The following SLC6A11 variants were observed in gnomAD, a reference collection of about 807,000 sequenced individuals.
The protein encoded by SLC6A11 is solute carrier family 6 member 11, also known as sodium- and chloride-dependent GABA transporter 3.
In SLC6A11, 25 loss-of-function variants were observed where a neutral mutation model predicts 74.8. The ratio of observed to expected loss-of-function variants is 0.33; its 90% CI spans 0.24 to 0.47. The LOEUF (loss-of-function observed/expected upper bound fraction) is 0.47, where lower values mean the gene tolerates loss of function less well. Ranked by LOEUF, SLC6A11 falls within the 20% of genes least tolerant of loss-of-function variation. SLC6A11 has a pLI of 1.00. For missense variants in SLC6A11, 574 were observed against 837.0 expected (o/e 0.69, Z 3.88); for synonymous variants, 330 against 330.2 (o/e 1.00, Z 0.01).
At chr3:10,873,589 C>CCTACA (rs1694863857) in intron 5 of SLC6A11, among the ~76,000 whole-genome samples, 2 of 143,234 alleles carry the variant, frequency 1.4e-5, no homozygotes, top group African/African-American at 5.4e-5. Context: ...CCTACGCTAT[C>CCTACA]CTATCCTATC....
chr3:10,857,031 T>C (rs1694646177), intron 5 of SLC6A11, among the ~76,000 whole-genome samples: 1 of 152,232 alleles, frequency 6.6e-6, no homozygotes, highest in Non-Finnish European at 1.5e-5. Flanking sequence ...TACAAATCCA[T>C]GCTCCAACTT....
intron 1 of SLC6A11, among the ~76,000 whole-genome samples, chr3:10,819,245 A>G (rs956456303): frequency 6.6e-6 from 1 of 152,220 alleles, no homozygotes; most frequent in African/African-American, 2.4e-5. Context: ...ATTAAAAACT[A>G]AAGCTCCATT....
rs1039336459 is a variant in SLC6A11, at chr3:10,938,507, G to A, written c.*105G>A. On this transcript the variant is annotated 3_prime_UTR_variant, in exon 14 of 14. Coordinates refer to ENST00000254488, the MANE Select transcript of SLC6A11 (RefSeq NM_014229.3). ...CTAATGGTAGGGGCTTGCTTGTTTTGCACAGGATTAATTAACAAGTTAATT... is the reference window on the plus strand; with the variant it reads ...CTAATGGTAGGGGCTTGCTTGTTTTACACAGGATTAATTAACAAGTTAATT... 106 of 1,242,946 alleles carry A rather than the reference G, an allele frequency of 8.5e-5. No homozygotes were observed. Among genetic ancestry groups the A allele is most frequent in the Non-Finnish European group, 1.1e-4 (97 of 902,596 alleles). The allele number at this position is 1,242,946 out of a possible 1,614,324, so 77.0% of individuals were successfully genotyped here. A position where few individuals can be genotyped will look rare whatever the true frequency, so the allele number is the denominator to read the frequency against.
intron 5 of SLC6A11, among the ~76,000 whole-genome samples, chr3:10,845,143 A>G (rs1694487537): frequency 1.3e-5 from 2 of 152,212 alleles, no homozygotes; most frequent in African/African-American, 4.8e-5. Context: ...TTCGTTGACA[A>G]CATTTAGAAA....
intron 5 of SLC6A11, among the ~76,000 whole-genome samples, chr3:10,854,392 A>AAAATAAAT (rs35119727): frequency 1.1e-4 from 17 of 152,052 alleles, no homozygotes; most frequent in South Asian, 8.3e-4. Context: ...TCCATCTCAA[A>AAAATAAAT]AAATAAATAA....
At chr3:10,919,389 C>G (rs73121720) in intron 8 of SLC6A11, among the ~76,000 whole-genome samples, 10,967 of 152,212 alleles carry the variant, frequency 0.072, 427 homozygotes, top group South Asian at 0.11. Flanking sequence ...TTTTTTAAGA[C>G]CAGCACAGGG....
intron 5 of SLC6A11, among the ~76,000 whole-genome samples, chr3:10,864,723 C>T (rs148345948): frequency 6.6e-6 from 1 of 152,318 alleles, no homozygotes; most frequent in Non-Finnish European, 1.5e-5. Context: ...CCATCAGCCG[C>T]CACAGTTAGG....
chr3:10,874,910 C>G, intron 5 of SLC6A11, 51 bp from the exon 6 acceptor site: 1 of 1,537,376 alleles, frequency 6.5e-7, no homozygotes. Context: ...AGTGAAGTAA[C>G]CCCATTGCTC....
At chr3:10,903,228 G>A (rs954376944) in intron 6 of SLC6A11, among the ~76,000 whole-genome samples, 3 of 152,204 alleles carry the variant, frequency 2.0e-5, no homozygotes, top group Admixed American at 2.0e-4. Flanking sequence ...ACAAGCAGAG[G>A]CATGCCCTTC....
intron 6 of SLC6A11, among the ~76,000 whole-genome samples, chr3:10,901,326 G>A (rs1205637540): frequency 6.6e-6 from 1 of 152,230 alleles, no homozygotes; most frequent in Non-Finnish European, 1.5e-5. Context: ...CCAGCCTCCT[G>A]GGCAAAAGCC....
Position 10,918,499 on chromosome 3 carries a change from AG to A in SLC6A11, c.1120+48del, listed in dbSNP as rs1695489785. On this transcript the variant is annotated intron_variant, in intron 8 of 13. Coordinates refer to ENST00000254488, the MANE Select transcript of SLC6A11 (RefSeq NM_014229.3). This position sits in a 1 kb window ranked among gnomAD's most constrained non-coding sequence, Gnocchi z 4.5. ...GATGGAAAAGGCGGCAAGGGAGGCC[AG>A]GAGTGATGGTCATCATGGAAATGCG... is the stretch of plus-strand genomic sequence containing the variant. 1 of 1,574,408 alleles carries A rather than the reference AG, an allele frequency of 6.4e-7. No homozygotes were observed. Among genetic ancestry groups the A allele is most frequent in the Non-Finnish European group, 8.6e-7 (1 of 1,164,296 alleles).
Position 10,915,827 on chromosome 3 carries a change from A to G in SLC6A11, c.996-2502A>G, listed in dbSNP as rs1695446901. ...TGTGCAGGAAGATGGGAATTTTTTA[A>G]CAAGGGACAATTTGTTTTTCAACAC... On this transcript the variant is annotated intron_variant, in intron 7 of 13. Transcript: ENST00000254488. The surrounding 1 kb of genome is among the most constrained non-coding windows in gnomAD (Gnocchi z 4.3). 6.6e-6 allele frequency among the ~76,000 whole-genome samples: 1 copy of G among 152,214 alleles called. No homozygotes were observed. The highest frequency in any genetic ancestry group is 2.4e-5 in the African/African-American group (1 of 41,462).
intron 6 of SLC6A11, among the ~76,000 whole-genome samples, chr3:10,878,404 CTTTTT>C (rs34982364): frequency 7.8e-6 from 1 of 128,162 alleles, no homozygotes; most frequent in African/African-American, 3.1e-5. Flanking sequence ...TCCACTCATC[CTTTTT>C]TTTTTTTTTT....
At chr3:10,830,373 G>A (rs1389559097) in intron 4 of SLC6A11, among the ~76,000 whole-genome samples, 1 of 152,212 alleles carries the variant, frequency 6.6e-6, no homozygotes, top group Non-Finnish European at 1.5e-5. Context: ...AGACTTTACT[G>A]AAGAGCAGGC....
chr3:10,933,445 G>A (rs1695717476), intron 11 of SLC6A11, among the ~76,000 whole-genome samples, 192 bp downstream of exon 11: 1 of 152,196 alleles, frequency 6.6e-6, no homozygotes, highest in African/African-American at 2.4e-5. Flanking sequence ...TGCAGCACAG[G>A]AAGGGGTTCA....
Position 10,905,798 on chromosome 3 carries a change from C to G in SLC6A11, c.892-6292C>G, listed in dbSNP as rs191237967. The stretch of plus-strand genomic sequence containing the variant: ...TCTTCATGGGATGTTTTCAAGAAAT[C>G]TAATCCTGTACATTCTCAGGCTCTG... On this transcript the variant is annotated intron_variant, in intron 6 of 13. Coordinates refer to ENST00000254488, the MANE Select transcript of SLC6A11 (RefSeq NM_014229.3). Among the ~76,000 whole-genome samples the G allele has an allele frequency of 1.4e-4, 21 of 152,284 alleles. No individual in the cohort carries two copies. The East Asian group carries it at 3.5e-3, about 25-fold the overall frequency.
intron 12 of SLC6A11, 137 bp from the exon 13 acceptor site, chr3:10,934,892 A>C (rs558851878): frequency 1.1e-4 from 82 of 744,470 alleles, no homozygotes; most frequent in African/African-American, 1.0e-3. Flanking sequence ...GCAGGGCCTC[A>C]CTTTTCATGG....
intron 5 of SLC6A11, among the ~76,000 whole-genome samples, chr3:10,857,329 T>C (rs566253321): frequency 1.2e-4 from 18 of 152,248 alleles, no homozygotes; most frequent in African/African-American, 3.6e-4. Flanking sequence ...AGCCATAGGC[T>C]GGGCCAGACT....
rs200632258 is a variant in SLC6A11 at position 10,935,019 on chromosome 3, C to G, written c.1576-10C>G. ...CCATCCCCCAGGCACCTGCCCCCAT[C>G]TCTCTGCAGGGGATCTTCATCTTCT... On this transcript the variant is annotated splice_polypyrimidine_tract_variant and intron_variant, in intron 12 of 13. Transcript: ENST00000254488. 43 of 1,611,714 alleles carry G rather than the reference C, an allele frequency of 2.7e-5. No homozygotes were observed. In the East Asian group the frequency reaches 5.1e-4, roughly 19 times the overall value.
Sources: gnomAD v4.1 joint callset for allele counts (sites outside exome capture counted in the v4.1 genomes callset) on GRCh38, gnomAD v4.1.1 for gene constraint, Gnocchi (gnomAD v3.1) non-coding constraint, MANE v1.5 for transcripts, NCBI Gene and HGNC (gene_info 2026-07-23, HGNC 2026-07-21) for gene names.